FBXL17: variants seen among roughly 807,000 people sequenced by gnomAD.
The protein encoded by FBXL17 is F-box/LRR-repeat protein 17.
A neutral mutation model predicts 66.2 loss-of-function variants in FBXL17; 22 were observed. The observed-to-expected ratio is 0.33, with a 90% CI of 0.24 to 0.47. FBXL17 has a LOEUF of 0.47. Ranked by LOEUF, FBXL17 falls within the 20% of genes least tolerant of loss-of-function variation. FBXL17 has a pLI of 1.00. For missense variants in FBXL17, 878 were observed against 948.2 expected, an observed-to-expected ratio of 0.93 and a Z score of 0.97; for synonymous variants, 474 against 400.5, an observed-to-expected ratio of 1.18 and a Z score of -2.19.
intron 6 of FBXL17, among the ~76,000 whole-genome samples, chr5:108,038,442 T>C (rs1173080822): frequency 1.3e-5 from 2 of 152,040 alleles, no homozygotes; most frequent in African/African-American, 4.8e-5. Context: ...AATGGCAAAA[T>C]GTTGGCAATT....
In FBXL17 at chr5:108,381,207, G is replaced by C; in HGVS notation, c.485C>G (p.Ala162Gly). Residue 162 changes from alanine (A) to glycine (G), a missense_variant, in exon 1 of 9, where the codon GCC (alanine) becomes GGC (glycine). Transcript: ENST00000542267. ...WEQQGRSLFLASLGPVRFLGP... is the reference protein window; with the variant it reads ...WEQQGRSLFLGSLGPVRFLGP... ...CAGGAAGCGCACCGGCCCCAAGCTG[G>C]CCAGGAAGAGACTTCGGCCCTGCTG... 1 of 1,446,666 alleles carries C rather than the reference G, an allele frequency of 6.9e-7. No homozygotes were observed. 89.6% of individuals were successfully genotyped at this position (1,446,666 alleles called of 1,614,324 possible).
intron 7 of FBXL17, among the ~76,000 whole-genome samples, chr5:108,008,500 T>C (rs375396122): frequency 2.0e-5 from 3 of 152,302 alleles, no homozygotes; most frequent in African/African-American, 7.2e-5. Context: ...GGCAGAAATT[T>C]TAAGTTCCTT....
chr5:107,868,513 A>G (rs1255562802), intron 8 of FBXL17, among the ~76,000 whole-genome samples: 3 of 152,370 alleles, frequency 2.0e-5, no homozygotes, highest in East Asian at 3.9e-4. Flanking sequence ...TGGATAGGCC[A>G]TCCGTGACTA....
chr5:108,012,479 T>G (rs288183), intron 7 of FBXL17, among the ~76,000 whole-genome samples: 23,316 of 152,116 alleles, frequency 0.15, 2,089 homozygotes, highest in South Asian at 0.36. Flanking sequence ...ACATTGTTTT[T>G]TCATATGCAG....
intron 4 of FBXL17, among the ~76,000 whole-genome samples, chr5:108,257,837 T>C (rs1756640773): frequency 6.6e-6 from 1 of 152,176 alleles, no homozygotes; most frequent in Non-Finnish European, 1.5e-5. Context: ...GAAAGACCTG[T>C]TGGTACCTGG....
At position 108,202,136 on chromosome 5, in the gene FBXL17, T is replaced by C. The variant is rs143133055; in HGVS notation, c.1615-15889A>G. Among the ~76,000 whole-genome samples the C allele has an allele frequency of 3.6e-3, 545 of 152,306 alleles. 1 individual carries two copies. The highest frequency in any genetic ancestry group is 0.013 in the African/African-American group (520 of 41,582). On this transcript the variant is annotated intron_variant, in intron 5 of 8. Coordinates refer to ENST00000542267, the MANE Select transcript of FBXL17 (RefSeq NM_001163315.3). The stretch of plus-strand genomic sequence containing the variant: ...TCTTCATTTTATATTTATATGTTTA[T>C]GTTAAAGCCTGAAGCAACCATTTTA...
At chr5:108,065,721 C>T (rs761728059) in intron 6 of FBXL17, among the ~76,000 whole-genome samples, 4 of 152,120 alleles carry the variant, frequency 2.6e-5, no homozygotes, top group South Asian at 2.1e-4. Context: ...TGAAAGAAAA[C>T]GTTTTGGACT....
At chr5:107,948,985 T>A (rs1751406376) in intron 7 of FBXL17, among the ~76,000 whole-genome samples, 1 of 152,160 alleles carries the variant, frequency 6.6e-6, no homozygotes, top group Admixed American at 6.5e-5. Context: ...TCAACCTTTG[T>A]CTTTTTCTCA....
At chr5:108,240,714 A>G (rs150700694) in intron 4 of FBXL17, among the ~76,000 whole-genome samples, 516 of 152,290 alleles carry the variant, frequency 3.4e-3, no homozygotes, top group South Asian at 9.9e-3. Context: ...GACTGAACAC[A>G]GGCAGTAGCC....
chr5:107,871,069 A>AACAAAAAAAAAAC (rs1554080839), intron 8 of FBXL17, among the ~76,000 whole-genome samples: 5 of 130,174 alleles, frequency 3.8e-5, no homozygotes, highest in African/African-American at 9.7e-5. Flanking sequence ...AAAAAAAAAA[A>AACAAAAAAAAAAC]AAAAAAAAAA....
chr5:108,159,175 A>G (rs751751538), intron 6 of FBXL17, among the ~76,000 whole-genome samples: 1 of 152,168 alleles, frequency 6.6e-6, no homozygotes, highest in Non-Finnish European at 1.5e-5. Flanking sequence ...ACTCAATATC[A>G]AGATGTAGGT....
intron 7 of FBXL17, among the ~76,000 whole-genome samples, chr5:107,971,373 C>A (rs997125302): frequency 6.6e-6 from 1 of 152,176 alleles, no homozygotes; most frequent in South Asian, 2.1e-4. Context: ...AACTTCCACA[C>A]GTAAACTTAA....
chr5:108,239,474 G>C (rs1281523930), intron 4 of FBXL17, among the ~76,000 whole-genome samples: 1 of 152,188 alleles, frequency 6.6e-6, no homozygotes, highest in Non-Finnish European at 1.5e-5. Flanking sequence ...AGCAACACCA[G>C]GCAGAACTAC....
intron 6 of FBXL17, among the ~76,000 whole-genome samples, chr5:108,181,160 C>T (rs1356241698): frequency 1.3e-5 from 2 of 151,916 alleles, no homozygotes; most frequent in Admixed American, 6.6e-5. Flanking sequence ...CTGGACTCCG[C>T]GTCAAACATA....
intron 7 of FBXL17, among the ~76,000 whole-genome samples, chr5:108,015,243 A>G (rs1754336754): frequency 6.6e-6 from 1 of 152,220 alleles, no homozygotes; most frequent in Admixed American, 6.5e-5. Context: ...GCAAGCATAG[A>G]TTTAGCAATT....
intron 6 of FBXL17, among the ~76,000 whole-genome samples, chr5:108,029,177 A>T (rs1490517653): frequency 6.6e-6 from 1 of 152,140 alleles, no homozygotes; most frequent in African/African-American, 2.4e-5. Flanking sequence ...AAACTAATTA[A>T]TCCTGCAAGC....
At chr5:108,128,268 T>C (rs1166350556) in intron 6 of FBXL17, among the ~76,000 whole-genome samples, 8 of 151,750 alleles carry the variant, frequency 5.3e-5, no homozygotes, top group Non-Finnish European at 8.8e-5. Flanking sequence ...AAAGAATTTG[T>C]CTTTAATCCT....
intron 6 of FBXL17, among the ~76,000 whole-genome samples, chr5:108,071,666 G>A (rs1456481055): frequency 1.3e-5 from 2 of 151,528 alleles, no homozygotes; most frequent in African/African-American, 4.9e-5. Context: ...TCATGTTCAA[G>A]TTTTTCAAAT....
intron 6 of FBXL17, among the ~76,000 whole-genome samples, chr5:108,121,095 T>G (rs1243774024): frequency 6.6e-6 from 1 of 152,134 alleles, no homozygotes; most frequent in East Asian, 1.9e-4. Flanking sequence ...TTTGGGAGGC[T>G]GAGGTGGGCA....
Sources: allele counts gnomAD v4.1 joint callset (sites outside exome capture counted in the v4.1 genomes callset), GRCh38; gene constraint gnomAD v4.1.1; transcripts MANE v1.5; gene names NCBI Gene and HGNC (gene_info 2026-07-23, HGNC 2026-07-21).